EFNA5: variants seen among roughly 807,000 people sequenced by gnomAD.
The protein encoded by EFNA5 is ephrin-A5.
A neutral mutation model predicts 22.9 loss-of-function variants in EFNA5; 5 were observed. The observed-to-expected ratio is 0.22, with a 90% confidence interval of 0.11 to 0.46. EFNA5 has a LOEUF of 0.46. Ranked by LOEUF, EFNA5 falls within the 20% of genes least tolerant of loss-of-function variation. The pLI, the probability that EFNA5 is intolerant of heterozygous loss-of-function variation, is 0.99. For synonymous variants in EFNA5, 113 were observed against 112.2 expected, an observed-to-expected ratio of 1.01 and a Z score of -0.04; for missense variants, 237 against 293.3, an observed-to-expected ratio of 0.81 and a Z score of 1.40.
At chr5:107,485,911 T>C (rs979793179) in intron 1 of EFNA5, among the ~76,000 whole-genome samples, 6 of 152,204 alleles carry the variant, frequency 3.9e-5, no homozygotes, top group African/African-American at 1.4e-4. Flanking sequence ...TGACAATTGA[T>C]TTGTTTTCTA....
chr5:107,547,175 C>T (rs1486801549), intron 1 of EFNA5, among the ~76,000 whole-genome samples: 1 of 152,168 alleles, frequency 6.6e-6, no homozygotes, highest in Non-Finnish European at 1.5e-5. Context: ...ATACACTGTA[C>T]CATTGGCCTG....
chr5:107,611,924 C>T (rs999257528), intron 1 of EFNA5, among the ~76,000 whole-genome samples: 2 of 152,174 alleles, frequency 1.3e-5, no homozygotes, highest in African/African-American at 4.8e-5. Context: ...ATTTTCTCTG[C>T]TCGTTTTCAT....
chr5:107,385,707 T>A (rs1034530892), intron 4 of EFNA5, among the ~76,000 whole-genome samples: 15 of 151,986 alleles, frequency 9.9e-5, no homozygotes, highest in African/African-American at 3.6e-4. Context: ...AGGGAGATAC[T>A]GAGTAACTTG....
intron 1 of EFNA5, among the ~76,000 whole-genome samples, chr5:107,449,925 C>T (rs886894249): frequency 2.0e-5 from 3 of 152,122 alleles, no homozygotes; most frequent in East Asian, 1.9e-4. Context: ...GTTAAGCAGA[C>T]GGAGGTGATT....
chr5:107,486,832 A>C (rs757214228), intron 1 of EFNA5, among the ~76,000 whole-genome samples: 6 of 152,220 alleles, frequency 3.9e-5, no homozygotes, highest in Non-Finnish European at 7.3e-5. Context: ...GTCCTGACAA[A>C]TATAGATACC....
intron 2 of EFNA5, among the ~76,000 whole-genome samples, chr5:107,411,262 G>C (rs978630693): frequency 6.6e-6 from 1 of 152,140 alleles, no homozygotes; most frequent in Non-Finnish European, 1.5e-5. Context: ...AATACACCCT[G>C]GTTTTGGCCA....
chr5:107,662,956 T>C (rs1750994977), intron 1 of EFNA5, among the ~76,000 whole-genome samples: 1 of 152,070 alleles, frequency 6.6e-6, no homozygotes, highest in Non-Finnish European at 1.5e-5. Flanking sequence ...TATGGAAACA[T>C]GGTACAGCCC....
At chr5:107,498,802 AG>A (rs1183214842) in intron 1 of EFNA5, among the ~76,000 whole-genome samples, 1 of 152,058 alleles carries the variant, frequency 6.6e-6, no homozygotes, top group African/African-American at 2.4e-5. Context: ...ACTAATAATG[AG>A]GCTTTCCAAG....
chr5:107,427,119 G>T, intron 2 of EFNA5, 98 bp downstream of exon 2: 1 of 1,302,734 alleles, frequency 7.7e-7, no homozygotes, highest in Non-Finnish European at 1.1e-6. Flanking sequence ...TATCTGTAAT[G>T]CAGAGTCCAG....
Position 107,479,591 on chromosome 5 carries a change from T to C in EFNA5, c.126-52082A>G, listed in dbSNP as rs1413138928. ...AGCCACTCATTGCCACTGGTGTTCA[T>C]GAACAAGAAGGCACCAGAAAGTCCA... On this transcript the variant is annotated intron_variant, in intron 1 of 4. Transcript: ENST00000333274. Among the ~76,000 whole-genome samples the C allele has an allele frequency of 3.9e-5, 6 of 152,182 alleles. No homozygotes were observed. In the South Asian group the frequency reaches 8.3e-4, roughly 21 times the overall value.
At chr5:107,644,836 G>A (rs1333954322) in intron 1 of EFNA5, among the ~76,000 whole-genome samples, 4 of 152,064 alleles carry the variant, frequency 2.6e-5, no homozygotes, top group Non-Finnish European at 5.9e-5. Context: ...TGAGTAGCTG[G>A]GATTACAGGC....
intron 1 of EFNA5, among the ~76,000 whole-genome samples, chr5:107,556,783 A>AATAT (rs1748429136): frequency 1.5e-5 from 1 of 67,732 alleles, no homozygotes; most frequent in African/African-American, 6.2e-5. Context: ...TAAATAAATA[A>AATAT]ATAAATAAAA....
chr5:107,493,650 A>G (rs1182060980), intron 1 of EFNA5, among the ~76,000 whole-genome samples: 2 of 152,240 alleles, frequency 1.3e-5, no homozygotes, highest in East Asian at 3.8e-4. Context: ...GAATATTAAC[A>G]TGTACTTTTA....
At chr5:107,643,514 C>T (rs1750568098) in intron 1 of EFNA5, among the ~76,000 whole-genome samples, 1 of 152,128 alleles carries the variant, frequency 6.6e-6, no homozygotes, top group Non-Finnish European at 1.5e-5. Flanking sequence ...ACCATCTGGG[C>T]CCCCAAAAGG....
chr5:107,502,041 G>C (rs1561414664), intron 1 of EFNA5, among the ~76,000 whole-genome samples: 1 of 152,146 alleles, frequency 6.6e-6, no homozygotes. Flanking sequence ...TGTACACCGG[G>C]CATTGCCTAC....
At chr5:107,511,840 G>T (rs1477262752) in intron 1 of EFNA5, among the ~76,000 whole-genome samples, 1 of 151,836 alleles carries the variant, frequency 6.6e-6, no homozygotes, top group East Asian at 1.9e-4. Flanking sequence ...CCATGAACAT[G>T]TTATATGTAG....
chr5:107,441,317 A>G (rs1289253342), intron 1 of EFNA5, among the ~76,000 whole-genome samples: 1 of 152,182 alleles, frequency 6.6e-6, no homozygotes, highest in Non-Finnish European at 1.5e-5. Flanking sequence ...TAGAAGCACA[A>G]TCTACCAGGC....
intron 1 of EFNA5, among the ~76,000 whole-genome samples, chr5:107,432,438 T>A (rs1201417095): frequency 6.6e-6 from 1 of 152,354 alleles, no homozygotes; most frequent in East Asian, 1.9e-4. Flanking sequence ...GTCTTCTCTT[T>A]ATGTCTTATC....
At chr5:107,670,451 C>T in intron 1 of EFNA5, 38 bp downstream of exon 1, 3 of 1,532,860 alleles carry the variant, frequency 2.0e-6, no homozygotes, top group Non-Finnish European at 2.6e-6. Context: ...GGCCCCGAGG[C>T]CCGGGTAGCC....
Sources: allele counts gnomAD v4.1 joint callset (sites outside exome capture counted in the v4.1 genomes callset), GRCh38; gene constraint gnomAD v4.1.1; transcripts MANE v1.5; gene names NCBI Gene and HGNC (gene_info 2026-07-23, HGNC 2026-07-21).